Variants in SURF4 observed in about 807,000 individuals in gnomAD.
The protein encoded by SURF4 is surfeit 4.
In SURF4, 3 loss-of-function variants were observed where a neutral mutation model predicts 30.0. The ratio of observed to expected loss-of-function variants is 0.10; its 90% CI spans 0.05 to 0.26. The LOEUF (loss-of-function observed/expected upper bound fraction) is 0.26. Among genes scored for constraint, SURF4 ranks in the 10% least tolerant of loss-of-function variants. SURF4 has a pLI of 1.00. For synonymous variants in SURF4, 143 were observed against 139.9 expected (o/e 1.02, Z -0.16); for missense variants, 217 against 350.8 (o/e 0.62, Z 3.05).
chr9:133,365,153 G>C, intron 4 of SURF4, 127 bp from the exon 5 acceptor site: 1 of 877,702 alleles, frequency 1.1e-6, no homozygotes, highest in South Asian at 1.8e-5. Context: ...CAAACCCAGT[G>C]ATCTGCCAAG....
upstream of SURF4, among the ~76,000 whole-genome samples, chr9:133,377,871 G>T (rs2130255806): frequency 6.6e-6 from 1 of 152,134 alleles, no homozygotes; most frequent in African/African-American, 2.4e-5. Flanking sequence ...ATCAGTGGGA[G>T]CCCTGAGCTT....
upstream of SURF4, chr9:133,376,237 A>G (rs1837932075): frequency 3.9e-6 from 5 of 1,292,520 alleles, no homozygotes; most frequent in African/African-American, 1.6e-5. Flanking sequence ...GCTCGACGCC[A>G]CGCCTCTCAC....
intron 4 of SURF4, 30 bp downstream of exon 4, chr9:133,365,955 G>GT: frequency 1.1e-5 from 17 of 1,609,774 alleles, no homozygotes; most frequent in Non-Finnish European, 1.4e-5. Context: ...TAGAAGGAGC[G>GT]TATACTAAAA....
intron 1 of SURF4, among the ~76,000 whole-genome samples, chr9:133,374,281 C>T (rs1192898027): frequency 6.6e-6 from 1 of 151,734 alleles, no homozygotes; most frequent in Non-Finnish European, 1.5e-5. Context: ...GGCTGGGTGC[C>T]GTGGCTCACG....
At position 133,361,613 on chromosome 9, in the gene SURF4, A is replaced by G. The variant is rs1227734049; in HGVS notation, c.*1880T>C. On this transcript the variant is annotated 3_prime_UTR_variant, in exon 6 of 6. Coordinates refer to ENST00000371989, the MANE Select transcript of SURF4 (RefSeq NM_033161.4). ...TCTTAGAAATTGTTTTGCCAGAATC[A>G]ATTGGTAGATCCCACTTATCCTCCC... 1 of 156,426 alleles carries G rather than the reference A, an allele frequency of 6.4e-6. No homozygotes were observed. The highest frequency in any genetic ancestry group is 2.4e-5 in the African/African-American group (1 of 41,462). The allele number at this position is 156,426 out of a possible 1,614,324, so 9.7% of individuals were successfully genotyped here.
intron 1 of SURF4, 122 bp downstream of exon 1, chr9:133,375,800 T>C (rs1430630698): frequency 2.5e-5 from 26 of 1,034,086 alleles, no homozygotes; most frequent in African/African-American, 5.0e-5. Flanking sequence ...GGGGTCCCCC[T>C]GTGGGAACAA....
chr9:133,371,169 A>AAATT, intron 1 of SURF4: 1 of 982,168 alleles, frequency 1.0e-6, no homozygotes, highest in Non-Finnish European at 1.2e-6. Flanking sequence ...TGAGGAAAGC[A>AAATT]GCTTGCAAAT....
chr9:133,366,449 G>T, intron 3 of SURF4, 150 bp downstream of exon 3: 1 of 832,820 alleles, frequency 1.2e-6, no homozygotes, highest in Admixed American at 2.4e-5. Flanking sequence ...TTGGGCTCAC[G>T]ACTTCCCCAG....
chr9:133,370,800 T>C, intron 1 of SURF4: 7 of 1,142,924 alleles, frequency 6.1e-6, no homozygotes, highest in Non-Finnish European at 8.2e-6. Context: ...TCCCCCCCAT[T>C]AGAGAACTGC....
chr9:133,367,598 G>A, intron 1 of SURF4, 153 bp from the exon 2 acceptor site: 1 of 1,511,700 alleles, frequency 6.6e-7, no homozygotes. Flanking sequence ...GCAGACTAGG[G>A]GGCTCTCAGT....
rs148122743 is a variant in SURF4, at chr9:133,372,177, C to T, written c.48+3745G>A. On this transcript the variant is annotated intron_variant, in intron 1 of 5. Coordinates refer to ENST00000371989, the MANE Select transcript of SURF4 (RefSeq NM_033161.4). The stretch of plus-strand genomic sequence containing the variant: ...GCACGTCTCAGCAGTTTCTACAGAG[C>T]ATGGCTCCTGGGAGCAAGAGGACAC... Among the ~76,000 whole-genome samples, 423 of 152,344 alleles carry T rather than the reference C, an allele frequency of 2.8e-3. 3 individuals are homozygous for T. The highest frequency in any genetic ancestry group is 9.2e-3 in the African/African-American group (383 of 41,580).
intron 4 of SURF4, 119 bp downstream of exon 4, chr9:133,365,866 C>T: frequency 2.9e-6 from 3 of 1,035,454 alleles, no homozygotes; most frequent in Non-Finnish European, 4.4e-6. Context: ...ATGAGCACTT[C>T]CTTTGAGCGT....
At chr9:133,369,992 T>C (rs1024077874) in intron 1 of SURF4, among the ~76,000 whole-genome samples, 4 of 152,136 alleles carry the variant, frequency 2.6e-5, no homozygotes, top group South Asian at 4.1e-4. Context: ...CTGCAATCCA[T>C]ACCCAAGACA....
intron 1 of SURF4, among the ~76,000 whole-genome samples, chr9:133,371,961 G>A (rs954421264): frequency 6.6e-6 from 1 of 152,242 alleles, no homozygotes; most frequent in East Asian, 1.9e-4. Flanking sequence ...CCTTGGTGAT[G>A]AGCCACCAGG....
At chr9:133,376,375 G>C (rs1837943292), upstream of SURF4, 1 of 1,411,764 alleles carries the variant, frequency 7.1e-7, no homozygotes, top group Non-Finnish European at 9.3e-7. Flanking sequence ...TGAGTGCCTC[G>C]AGGGCGCCGT....
At chr9:133,367,207 G>T (rs2130136743) in intron 2 of SURF4, 52 bp downstream of exon 2, 1 of 1,591,218 alleles carries the variant, frequency 6.3e-7, no homozygotes, top group Non-Finnish European at 8.6e-7. Flanking sequence ...AACTGCTAAC[G>T]ATCATGGAAC....
chr9:133,375,152 T>G (rs2119186456), intron 1 of SURF4: 1 of 914,866 alleles, frequency 1.1e-6, no homozygotes, highest in East Asian at 1.2e-4. Flanking sequence ...CTTTGTAGGA[T>G]CGGATCCTGT....
At chr9:133,375,441 G>T in intron 1 of SURF4, 2 of 981,044 alleles carry the variant, frequency 2.0e-6, no homozygotes, top group Non-Finnish European at 1.2e-6. Flanking sequence ...TGGGGCGCAC[G>T]CCAGCGCGCC....
At chr9:133,366,376 G>T (rs1187826234) in intron 3 of SURF4, among the ~76,000 whole-genome samples, 1 of 152,116 alleles carries the variant, frequency 6.6e-6, no homozygotes, top group East Asian at 1.9e-4. Flanking sequence ...CCCTTGTCAC[G>T]GTAATCATAG....
Sources: allele counts gnomAD v4.1 joint callset (sites outside exome capture counted in the v4.1 genomes callset), GRCh38; gene constraint gnomAD v4.1.1; transcripts MANE v1.5; gene names NCBI Gene and HGNC (gene_info 2026-07-23, HGNC 2026-07-21).